Variants in BTBD9 observed in about 807,000 individuals in gnomAD.
BTBD9 encodes the protein BTB domain containing 9.
Under a neutral mutation model 64.3 loss-of-function variants are expected in BTBD9, and 49 were observed. That is an observed-to-expected ratio of 0.76 (90% confidence interval 0.61 to 0.97). The LOEUF is 0.97. Among genes scored for constraint, BTBD9 ranks in the 50% least tolerant of loss-of-function variants. The pLI is 0.00. For missense variants in BTBD9, 598 were observed against 762.1 expected, an observed-to-expected ratio of 0.78 and a Z score of 2.53; for synonymous variants, 260 against 274.7, an observed-to-expected ratio of 0.95 and a Z score of 0.53.
intron 7 of BTBD9, among the ~76,000 whole-genome samples, chr6:38,325,405 G>T (rs1416741336): frequency 1.3e-5 from 2 of 152,176 alleles, no homozygotes; most frequent in African/African-American, 4.8e-5. Flanking sequence ...CAACAAAGAG[G>T]CTGGGTGCGG....
intron 6 of BTBD9, among the ~76,000 whole-genome samples, chr6:38,428,755 C>G (rs1768298278): frequency 1.3e-5 from 2 of 150,274 alleles, no homozygotes. Flanking sequence ...CTCTGTTGCC[C>G]AGGCTGGAGT....
At position 38,223,741 on chromosome 6, in the gene BTBD9, A is replaced by G. The variant is rs545542579; in HGVS notation, c.1563-31144T>C. On this transcript the variant is annotated intron_variant, in intron 9 of 10. Transcript: ENST00000481247. ...TACTCAGTTTTACCATTTCTGCCAAACATTTTCTTCCATTTCCTTTTTGGA... is the reference window on the plus strand; with the variant it reads ...TACTCAGTTTTACCATTTCTGCCAAGCATTTTCTTCCATTTCCTTTTTGGA... 2.6e-5 allele frequency among the ~76,000 whole-genome samples: 4 copies of G among 151,062 alleles called. No individual in the cohort carries two copies. In the South Asian group the frequency reaches 8.4e-4, roughly 32 times the overall value.
intron 6 of BTBD9, among the ~76,000 whole-genome samples, chr6:38,394,827 G>T (rs369038033): frequency 2.5e-4 from 38 of 152,274 alleles, no homozygotes; most frequent in African/African-American, 9.1e-4. Context: ...ATGCAAATGG[G>T]CCACCTTGAA....
chr6:38,541,661 C>G (rs1260580154), intron 6 of BTBD9, among the ~76,000 whole-genome samples: 4 of 152,134 alleles, frequency 2.6e-5, no homozygotes, highest in African/African-American at 9.7e-5. Context: ...TCACTTGAAC[C>G]CAGGAGATGG....
intron 6 of BTBD9, among the ~76,000 whole-genome samples, chr6:38,403,280 C>A (rs1767024308): frequency 1.3e-5 from 2 of 152,032 alleles, no homozygotes; most frequent in African/African-American, 2.4e-5. Flanking sequence ...GACAATATTT[C>A]CCCACAAAAT....
chr6:38,597,911 G>A lies in BTBD9; in HGVS notation c.184C>T (p.Arg62Ter), dbSNP rs764393519. 5.0e-6 allele frequency: 8 copies of A among 1,613,244 alleles called. No homozygotes were observed. Among genetic ancestry groups the A allele is most frequent in the South Asian group, 2.2e-5 (2 of 90,930 alleles). The change falls in exon 2 of 11, where the codon CGA becomes TGA. Residue 62 changes from arginine to a stop codon, truncating the protein, a stop_gained and splice_region_variant. Transcript: ENST00000481247. LOFTEE classifies it high-confidence loss of function. ...TCAAAAAAAGTATTACACACTTACC[G>A]AAAATATTGGCACCTGGCTGCTAAA... ...VILAARCQYF[R>*]ALLYGGMRES...
intron 7 of BTBD9, among the ~76,000 whole-genome samples, chr6:38,290,135 G>A (rs1465577290): frequency 6.7e-6 from 1 of 149,994 alleles, no homozygotes; most frequent in African/African-American, 2.5e-5. Flanking sequence ...CTCTGTAGCT[G>A]AGTAAAGCCA....
At chr6:38,189,766 T>C (rs1386619160) in intron 10 of BTBD9, among the ~76,000 whole-genome samples, 1 of 152,138 alleles carries the variant, frequency 6.6e-6, no homozygotes, top group African/African-American at 2.4e-5. Flanking sequence ...CTCGGCCTCC[T>C]GGGTTTAAGC....
intron 7 of BTBD9, among the ~76,000 whole-genome samples, chr6:38,328,289 A>C (rs1763518934): frequency 6.6e-6 from 1 of 152,148 alleles, no homozygotes; most frequent in African/African-American, 2.4e-5. Flanking sequence ...CCCCTAACTT[A>C]GAATGTTACT....
chr6:38,353,266 A>T (rs1410084285), intron 6 of BTBD9, among the ~76,000 whole-genome samples: 1 of 152,230 alleles, frequency 6.6e-6, no homozygotes, highest in Non-Finnish European at 1.5e-5. Flanking sequence ...TTGAATTTCA[A>T]GCAATGTCTT....
chr6:38,212,946 AT>A (rs1762886509), intron 9 of BTBD9, among the ~76,000 whole-genome samples: 1 of 152,138 alleles, frequency 6.6e-6, no homozygotes, highest in Non-Finnish European at 1.5e-5. Flanking sequence ...GAATTTGGCA[AT>A]TTCATTTCCT....
At chr6:38,251,320 A>G (rs996773930) in intron 9 of BTBD9, among the ~76,000 whole-genome samples, 3 of 148,926 alleles carry the variant, frequency 2.0e-5, no homozygotes, top group African/African-American at 5.0e-5. Flanking sequence ...GATGGAGTGC[A>G]GTGGCACAAT....
chr6:38,291,789 T>C (rs943675272), intron 7 of BTBD9, among the ~76,000 whole-genome samples: 10 of 152,304 alleles, frequency 6.6e-5, no homozygotes, highest in African/African-American at 1.9e-4. Flanking sequence ...ATGTGATGGA[T>C]TACGTTTATT....
chr6:38,510,298 T>C (rs776044095), intron 6 of BTBD9, among the ~76,000 whole-genome samples: 2 of 152,188 alleles, frequency 1.3e-5, no homozygotes, highest in Non-Finnish European at 1.5e-5. Flanking sequence ...CTGAAGACTG[T>C]AGGTAACTGT....
intron 8 of BTBD9, among the ~76,000 whole-genome samples, chr6:38,286,972 C>T (rs1436912765): frequency 6.8e-6 from 1 of 146,248 alleles, no homozygotes; most frequent in East Asian, 2.1e-4. Flanking sequence ...ATCCCAGCTA[C>T]TTGGGAGGCT....
At chr6:38,246,484 T>A (rs1217977224) in intron 9 of BTBD9, among the ~76,000 whole-genome samples, 1 of 148,834 alleles carries the variant, frequency 6.7e-6, no homozygotes, top group Non-Finnish European at 1.5e-5. Flanking sequence ...GTGTATTGTC[T>A]AAAATCTGCT....
intron 8 of BTBD9, among the ~76,000 whole-genome samples, chr6:38,285,426 T>C (rs972508781): frequency 2.0e-5 from 3 of 152,028 alleles, no homozygotes; most frequent in Non-Finnish European, 2.9e-5. Context: ...AATCATGACA[T>C]GACGTGACTT....
intron 6 of BTBD9, among the ~76,000 whole-genome samples, chr6:38,428,271 G>A (rs1257469173): frequency 6.6e-6 from 1 of 151,890 alleles, no homozygotes; most frequent in Non-Finnish European, 1.5e-5. Context: ...GCCCTTGAAA[G>A]GAAAAGCAGC....
chr6:38,248,332 T>G (rs1170726496), intron 9 of BTBD9, among the ~76,000 whole-genome samples: 3 of 152,230 alleles, frequency 2.0e-5, no homozygotes, highest in Non-Finnish European at 4.4e-5. Context: ...ATATTAGGAC[T>G]ACAGAATTCT....
Sources: gnomAD v4.1 joint callset for allele counts (sites outside exome capture counted in the v4.1 genomes callset) on GRCh38, gnomAD v4.1.1 for gene constraint, MANE v1.5 for transcripts, NCBI Gene and HGNC (gene_info 2026-07-23, HGNC 2026-07-21) for gene names.